SORCS1: variants seen among roughly 807,000 people sequenced by gnomAD.
SORCS1 encodes sortilin related VPS10 domain containing receptor 1.
SORCS1 carries 60 observed loss-of-function variants against 146.1 expected under a neutral mutation model. The observed-to-expected ratio is 0.41, with a 90% CI of 0.33 to 0.51. The LOEUF (loss-of-function observed/expected upper bound fraction) is 0.51. SORCS1 is among the 20% of genes least tolerant of loss of function. The pLI, the probability that SORCS1 is intolerant of heterozygous loss-of-function variation, is 0.21. For synonymous variants in SORCS1, 637 were observed against 584.0 expected, an observed-to-expected ratio of 1.09 and a Z score of -1.31; for missense variants, 1,352 against 1,487.6, an observed-to-expected ratio of 0.91 and a Z score of 1.50.
chr10:106,739,074 T>G (rs561123664), intron 5 of SORCS1, among the ~76,000 whole-genome samples: 1 of 152,224 alleles, frequency 6.6e-6, no homozygotes, highest in Admixed American at 6.5e-5. Context: ...GGGTAAATAT[T>G]AAAAGTAATA....
At chr10:106,900,932 G>A (rs1022519016) in intron 2 of SORCS1, among the ~76,000 whole-genome samples, 2 of 152,092 alleles carry the variant, frequency 1.3e-5, no homozygotes, top group African/African-American at 4.8e-5. Context: ...TCATAAACTT[G>A]TCTGCATATT....
intron 1 of SORCS1, among the ~76,000 whole-genome samples, chr10:106,983,440 A>G (rs1400176735): frequency 6.6e-6 from 1 of 152,030 alleles, no homozygotes; most frequent in Non-Finnish European, 1.5e-5. Context: ...TAGACAACCT[A>G]ATGTGTAGAA....
intron 1 of SORCS1, among the ~76,000 whole-genome samples, chr10:106,984,069 TAAC>T (rs1040123664): frequency 2.6e-5 from 4 of 152,330 alleles, no homozygotes; most frequent in Admixed American, 6.5e-5. Flanking sequence ...TAATGGAAGT[TAAC>T]AATACACGTT....
At chr10:106,996,201 T>G (rs980364367) in intron 1 of SORCS1, among the ~76,000 whole-genome samples, 1 of 140,030 alleles carries the variant, frequency 7.1e-6, no homozygotes, top group Non-Finnish European at 1.5e-5. Context: ...TACTCCAGCC[T>G]GGGCGACAGA....
chr10:107,021,229 T>C (rs909469239), intron 1 of SORCS1, among the ~76,000 whole-genome samples: 11 of 152,050 alleles, frequency 7.2e-5, no homozygotes, highest in Admixed American at 5.2e-4. Context: ...ATATGCATAT[T>C]TGGCCAGGCG....
intron 2 of SORCS1, among the ~76,000 whole-genome samples, chr10:106,901,094 A>G (rs1011044410): frequency 7.2e-5 from 11 of 152,146 alleles, no homozygotes; most frequent in African/African-American, 2.4e-4. Flanking sequence ...ATAGCCCAGC[A>G]CCTAAAATAG....
intron 3 of SORCS1, 120 bp from the exon 4 acceptor site, chr10:106,776,812 C>T: frequency 1.0e-6 from 1 of 972,144 alleles, no homozygotes. Flanking sequence ...GAATGCTTGG[C>T]CAAACAGGGA....
At chr10:106,927,967 G>A (rs1953154436) in intron 2 of SORCS1, among the ~76,000 whole-genome samples, 1 of 152,232 alleles carries the variant, frequency 6.6e-6, no homozygotes, top group Admixed American at 6.5e-5. Context: ...AGTGCCAATT[G>A]GTGTATTTAC....
intron 24 of SORCS1, among the ~76,000 whole-genome samples, chr10:106,593,579 T>C (rs1005069906): frequency 1.3e-5 from 2 of 152,214 alleles, no homozygotes; most frequent in Non-Finnish European, 2.9e-5. Context: ...TATCCACATA[T>C]AAATCTATAT....
chr10:106,957,951 T>C (rs1162219641), intron 1 of SORCS1, among the ~76,000 whole-genome samples: 15 of 152,170 alleles, frequency 9.9e-5, no homozygotes, highest in Admixed American at 9.8e-4. Flanking sequence ...GTGATCCAGT[T>C]AGGACAGAAG....
At chr10:106,599,185 G>A (rs1246766190) in intron 23 of SORCS1, among the ~76,000 whole-genome samples, 1 of 151,962 alleles carries the variant, frequency 6.6e-6, no homozygotes, top group Non-Finnish European at 1.5e-5. Context: ...GGCCAACATG[G>A]TGAAATCCCA....
intron 1 of SORCS1, among the ~76,000 whole-genome samples, chr10:107,070,587 G>A (rs1962332312): frequency 6.6e-6 from 1 of 152,134 alleles, no homozygotes; most frequent in South Asian, 2.1e-4. Flanking sequence ...TTCCAAGAAA[G>A]ACAAATAATT....
chr10:107,046,975 G>A (rs1959526754), intron 1 of SORCS1, among the ~76,000 whole-genome samples: 1 of 152,058 alleles, frequency 6.6e-6, no homozygotes, highest in African/African-American at 2.4e-5. Context: ...TTGTTTTGCT[G>A]TATTTTATTT....
the SORCS1 span, among the ~76,000 whole-genome samples, chr10:107,178,620 C>G: frequency 7.7e-4 from 117 of 152,116 alleles, no homozygotes; most frequent in Non-Finnish European, 1.5e-3. Flanking sequence ...TGCTGAGTAG[C>G]TGGGACTATA....
At chr10:107,112,114 A>G (rs1049342285) in intron 1 of SORCS1, among the ~76,000 whole-genome samples, 1 of 152,112 alleles carries the variant, frequency 6.6e-6, no homozygotes, top group African/African-American at 2.4e-5. Context: ...TAATATTATA[A>G]TGGTGGCTTG....
At chr10:106,675,779 C>G (rs954447553) in intron 13 of SORCS1, among the ~76,000 whole-genome samples, 6 of 152,066 alleles carry the variant, frequency 3.9e-5, no homozygotes, top group Admixed American at 1.3e-4. Flanking sequence ...AGGTGGAGAC[C>G]TTGGGAGGTG....
chr10:106,761,774 C>CT, intron 4 of SORCS1, 113 bp from the exon 5 acceptor site: 1 of 874,040 alleles, frequency 1.1e-6, no homozygotes, highest in Non-Finnish European at 1.8e-6. Context: ...TACTGAACAC[C>CT]TGCCATATAC....
At chr10:106,996,825 T>G (rs949647798) in intron 1 of SORCS1, among the ~76,000 whole-genome samples, 8 of 152,164 alleles carry the variant, frequency 5.3e-5, no homozygotes, top group African/African-American at 1.9e-4. Context: ...ACTCAATGTT[T>G]CCAATACTCA....
intron 23 of SORCS1, among the ~76,000 whole-genome samples, chr10:106,605,458 C>A (rs2133370799): frequency 6.6e-6 from 1 of 152,302 alleles, no homozygotes; most frequent in East Asian, 1.9e-4. Flanking sequence ...TCTGTACCCT[C>A]TTCCATACTT....
Sources: allele counts gnomAD v4.1 joint callset (sites outside exome capture counted in the v4.1 genomes callset), GRCh38; gene constraint gnomAD v4.1.1; transcripts MANE v1.5; gene names NCBI Gene and HGNC (gene_info 2026-07-23, HGNC 2026-07-21).